ARB2A: variants seen among roughly 807,000 people sequenced by gnomAD.
ARB2A encodes the protein cotranscriptional regulator ARB2A.
the ARB2A span, among the ~76,000 whole-genome samples, chr5:93,922,811 G>A: frequency 1.5e-4 from 23 of 151,930 alleles, no homozygotes; most frequent in Non-Finnish European, 3.2e-4. Flanking sequence ...ACAACGTGGC[G>A]GAAGCTTTCC....
At chr5:93,933,200 G>A in the ARB2A span, among the ~76,000 whole-genome samples, 6 of 152,268 alleles carry the variant, frequency 3.9e-5, no homozygotes, top group East Asian at 1.2e-3. Flanking sequence ...TTAAACTGTT[G>A]GTGGAAATGT....
chr5:94,098,161 A>T, the ARB2A span, among the ~76,000 whole-genome samples: 4 of 152,166 alleles, frequency 2.6e-5, no homozygotes, highest in South Asian at 4.1e-4. Context: ...CCTCAAAGGC[A>T]TCAAAGAGTA....
the ARB2A span, among the ~76,000 whole-genome samples, chr5:93,950,768 C>T: frequency 1.3e-5 from 2 of 151,712 alleles, no homozygotes; most frequent in African/African-American, 4.8e-5. Context: ...CAGGGTCAAA[C>T]CCTGTCTCTA....
chr5:93,848,889 C>T, the ARB2A span, among the ~76,000 whole-genome samples: 2 of 152,140 alleles, frequency 1.3e-5, no homozygotes, highest in Non-Finnish European at 2.9e-5. Flanking sequence ...AGAAGTTGCA[C>T]AGTTTCCTTA....
At chr5:93,718,963 A>G in the ARB2A span, among the ~76,000 whole-genome samples, 1 of 152,174 alleles carries the variant, frequency 6.6e-6, no homozygotes, top group Non-Finnish European at 1.5e-5. Flanking sequence ...CCTGATGCAG[A>G]TGCCTGATTT....
chr5:93,642,434 T>C, the ARB2A span, among the ~76,000 whole-genome samples: 1 of 152,176 alleles, frequency 6.6e-6, no homozygotes, highest in Non-Finnish European at 1.5e-5. Context: ...GTGCAGTGCA[T>C]GATCTCAGCT....
the ARB2A span, among the ~76,000 whole-genome samples, chr5:93,709,068 T>C: frequency 5.2e-5 from 7 of 134,092 alleles, no homozygotes; most frequent in Admixed American, 8.1e-5. Flanking sequence ...AACTATGTAA[T>C]GGAATTAATA....
the ARB2A span, among the ~76,000 whole-genome samples, chr5:93,654,336 A>C: frequency 2.0e-5 from 3 of 152,158 alleles, no homozygotes; most frequent in Non-Finnish European, 4.4e-5. Context: ...TTTATTTTAC[A>C]GTCATTAACA....
At chr5:93,758,637 G>T in the ARB2A span, among the ~76,000 whole-genome samples, 1 of 152,084 alleles carries the variant, frequency 6.6e-6, no homozygotes, top group Non-Finnish European at 1.5e-5. Flanking sequence ...ACCTGTTCCC[G>T]AATGAACATT....
At chr5:93,656,987 G>GT in the ARB2A span, among the ~76,000 whole-genome samples, 1 of 152,134 alleles carries the variant, frequency 6.6e-6, no homozygotes. Context: ...TCATGCCTCA[G>GT]TAAGTGTGAA....
chr5:93,726,977 A>G, the ARB2A span, among the ~76,000 whole-genome samples: 2 of 152,026 alleles, frequency 1.3e-5, no homozygotes, highest in African/African-American at 2.4e-5. Flanking sequence ...AAAGTTATTC[A>G]TATTCAGTTT....
At chr5:93,810,059 G>T in the ARB2A span, among the ~76,000 whole-genome samples, 1 of 151,984 alleles carries the variant, frequency 6.6e-6, no homozygotes, top group Non-Finnish European at 1.5e-5. Flanking sequence ...TAAAAGGTAG[G>T]TATCAGGTAT....
the ARB2A span, chr5:93,881,719 T>C: frequency 7.1e-7 from 1 of 1,402,748 alleles, no homozygotes; most frequent in Non-Finnish European, 9.5e-7. Context: ...GTAGCATAAT[T>C]TAAATCTTAT....
chr5:93,954,661 T>C, the ARB2A span, among the ~76,000 whole-genome samples: 62 of 151,690 alleles, frequency 4.1e-4, no homozygotes, highest in African/African-American at 1.4e-3. Context: ...GCTTGCTAAG[T>C]CTACTGCCTC....
chr5:94,111,177 A>C, the ARB2A span, among the ~76,000 whole-genome samples: 1 of 152,144 alleles, frequency 6.6e-6, no homozygotes, highest in Non-Finnish European at 1.5e-5. Flanking sequence ...TTAATACAAC[A>C]ACCACAATAC....
the ARB2A span, among the ~76,000 whole-genome samples, chr5:94,023,255 G>A: frequency 1.3e-5 from 2 of 152,188 alleles, no homozygotes; most frequent in Non-Finnish European, 2.9e-5. Flanking sequence ...GAATGGGAAC[G>A]TACTGAAGGG....
chr5:93,634,135 G>T, the ARB2A span, among the ~76,000 whole-genome samples: 1 of 152,082 alleles, frequency 6.6e-6, no homozygotes, highest in South Asian at 2.1e-4. Flanking sequence ...GGGCGCCGTG[G>T]CTCATGCCTG....
At chr5:93,776,304 GGA>G in the ARB2A span, 1 of 1,356,986 alleles carries the variant, frequency 7.4e-7, no homozygotes, top group Non-Finnish European at 1.0e-6. Flanking sequence ...GAATTTTTAG[GGA>G]GAGTTTAATT....
At chr5:93,818,687 T>C in the ARB2A span, among the ~76,000 whole-genome samples, 1 of 152,144 alleles carries the variant, frequency 6.6e-6, no homozygotes. Context: ...AGACTATACC[T>C]ACAAGGGTGT....
Sources: gnomAD v4.1 joint callset for allele counts (sites outside exome capture counted in the v4.1 genomes callset) on GRCh38, gnomAD v4.1.1 for gene constraint, MANE v1.5 for transcripts, NCBI Gene and HGNC (gene_info 2026-07-23, HGNC 2026-07-21) for gene names.